Variants in TSNARE1 observed in about 807,000 individuals in gnomAD.
TSNARE1 encodes the protein t-SNARE domain containing 1, also known as t-SNARE domain-containing protein 1.
Under a neutral mutation model 62.0 loss-of-function variants are expected in TSNARE1, and 49 were observed. The ratio of observed to expected loss-of-function variants is 0.79; its 90% confidence interval spans 0.63 to 1.00. The LOEUF (loss-of-function observed/expected upper bound fraction) is 1.00. Among genes scored for constraint, TSNARE1 ranks in the 50% least tolerant of loss-of-function variants. The pLI, the probability that TSNARE1 is intolerant of heterozygous loss-of-function variation, is 0.00. For missense variants in TSNARE1, 755 were observed against 700.1 expected (o/e 1.08, Z -0.88); for synonymous variants, 328 against 294.4 (o/e 1.11, Z -1.17).
chr8:142,313,005 T>C (rs1050275580), intron 9 of TSNARE1, among the ~76,000 whole-genome samples: 4 of 152,258 alleles, frequency 2.6e-5, no homozygotes, highest in Non-Finnish European at 4.4e-5. Context: ...TCTGCATCTA[T>C]CTGTGTGTCT....
At chr8:142,273,467 G>A in intron 12 of TSNARE1, 1 of 985,414 alleles carries the variant, frequency 1.0e-6, no homozygotes, top group Non-Finnish European at 1.2e-6. Context: ...CAAGGGCTGA[G>A]GCCAAACAGC....
At chr8:142,219,461 C>T (rs1257400197) in intron 13 of TSNARE1, among the ~76,000 whole-genome samples, 1 of 152,176 alleles carries the variant, frequency 6.6e-6, no homozygotes, top group African/African-American at 2.4e-5. Context: ...TCGCCCTTTA[C>T]AGATTCTGGT....
chr8:142,305,650 G>C lies in TSNARE1; in HGVS notation c.1132-5006C>G, dbSNP rs955666110. Among the ~76,000 whole-genome samples the C allele has an allele frequency of 3.9e-5, 6 of 152,332 alleles. 1 individual carries two copies. The East Asian group carries it at 1.2e-3, about 29-fold the overall frequency. On this transcript the variant is annotated intron_variant, in intron 9 of 13. Coordinates refer to ENST00000524325, the MANE Select transcript of TSNARE1 (RefSeq NM_145003.5). ...GTCCCTCCGCGGCCTCCTCCTGAAA[G>C]GCTCACAAAGCGCTCCTTTATTCTC... is the stretch of plus-strand genomic sequence containing the variant.
chr8:142,376,363 A>C (rs1332625834), intron 1 of TSNARE1, among the ~76,000 whole-genome samples: 1 of 152,148 alleles, frequency 6.6e-6, no homozygotes, highest in Non-Finnish European at 1.5e-5. Flanking sequence ...CCCACTTTGA[A>C]ATCCTGCCTC....
At chr8:142,329,417 G>A (rs748368642) in intron 6 of TSNARE1, among the ~76,000 whole-genome samples, 11 of 152,214 alleles carry the variant, frequency 7.2e-5, no homozygotes, top group Non-Finnish European at 1.0e-4. Context: ...CCCAGGATGC[G>A]CACATGAGGG....
chr8:142,300,062 T>C (rs572959405), intron 10 of TSNARE1: 49 of 156,324 alleles, frequency 3.1e-4, no homozygotes, highest in Admixed American at 1.9e-3. Context: ...AAATTGCAGG[T>C]TCGGTTCTGA....
At chr8:142,382,062 G>A (rs1348055516) in intron 1 of TSNARE1, among the ~76,000 whole-genome samples, 3 of 152,114 alleles carry the variant, frequency 2.0e-5, no homozygotes, top group African/African-American at 2.4e-5. Context: ...CCAGGCCCAC[G>A]CGCCCCTGCC....
At chr8:142,263,843 G>A (rs1021499037) in intron 12 of TSNARE1, among the ~76,000 whole-genome samples, 3 of 152,148 alleles carry the variant, frequency 2.0e-5, no homozygotes, top group Non-Finnish European at 4.4e-5. Flanking sequence ...GTTGCTAGTA[G>A]TTCAACTATT....
intron 9 of TSNARE1, among the ~76,000 whole-genome samples, chr8:142,305,758 G>C (rs1419124709): frequency 6.6e-6 from 1 of 152,228 alleles, no homozygotes; most frequent in Non-Finnish European, 1.5e-5. Flanking sequence ...AGCGCAGAGG[G>C]GACGGCCCTG....
At chr8:142,329,198 T>C (rs1039246394) in intron 6 of TSNARE1, among the ~76,000 whole-genome samples, 1 of 152,236 alleles carries the variant, frequency 6.6e-6, no homozygotes. Flanking sequence ...CCAAGCAGGC[T>C]AGACCCACAG....
At chr8:142,255,029 C>A (rs1364967123) in intron 12 of TSNARE1, among the ~76,000 whole-genome samples, 2 of 151,994 alleles carry the variant, frequency 1.3e-5, no homozygotes, top group African/African-American at 4.8e-5. Context: ...GATCTTGAGG[C>A]CAGGTGGGGA....
At chr8:142,312,899 G>T (rs1192891451) in intron 9 of TSNARE1, among the ~76,000 whole-genome samples, 1 of 152,246 alleles carries the variant, frequency 6.6e-6, no homozygotes, top group Non-Finnish European at 1.5e-5. Flanking sequence ...AGGCAGTGAT[G>T]ATGAGCCTGA....
intron 3 of TSNARE1, 35 bp downstream of exon 3, chr8:142,345,708 C>A: frequency 2.0e-6 from 3 of 1,534,246 alleles, no homozygotes; most frequent in East Asian, 4.9e-5. Flanking sequence ...GCCGCCTTCC[C>A]AGGACCCCTG....
intron 6 of TSNARE1, among the ~76,000 whole-genome samples, chr8:142,323,519 C>T (rs886226853): frequency 1.3e-5 from 2 of 152,172 alleles, no homozygotes; most frequent in Admixed American, 1.3e-4. Context: ...GGGGAGGCCT[C>T]GTGAGGGGCA....
chr8:142,219,553 T>C (rs1586751166), intron 13 of TSNARE1, among the ~76,000 whole-genome samples: 1 of 152,198 alleles, frequency 6.6e-6, no homozygotes, highest in Non-Finnish European at 1.5e-5. Context: ...CCCAGGGCCA[T>C]GGGCCACAGG....
intron 6 of TSNARE1, among the ~76,000 whole-genome samples, chr8:142,327,119 A>G (rs1277339878): frequency 2.6e-5 from 4 of 152,220 alleles, no homozygotes; most frequent in Non-Finnish European, 5.9e-5. Context: ...CTGGGGATAT[A>G]TCCAAGACAG....
chr8:142,254,685 T>C (rs947398785), intron 12 of TSNARE1, among the ~76,000 whole-genome samples: 2 of 152,188 alleles, frequency 1.3e-5, no homozygotes, highest in Admixed American at 6.5e-5. Flanking sequence ...CAGAGAGGCC[T>C]GGACTCGAAC....
chr8:142,263,456 G>A (rs904076922), intron 12 of TSNARE1, among the ~76,000 whole-genome samples: 4 of 152,174 alleles, frequency 2.6e-5, no homozygotes, highest in African/African-American at 4.8e-5. Flanking sequence ...GGATCACCAC[G>A]GTTTAGTTCA....
intron 10 of TSNARE1, among the ~76,000 whole-genome samples, chr8:142,295,967 C>G (rs1195625117): frequency 7.2e-6 from 1 of 138,554 alleles, no homozygotes; most frequent in Non-Finnish European, 1.5e-5. Context: ...GGCTGGCTAT[C>G]ATCAGGGATG....
Sources: allele counts gnomAD v4.1 joint callset (sites outside exome capture counted in the v4.1 genomes callset), GRCh38; gene constraint gnomAD v4.1.1; transcripts MANE v1.5; gene names NCBI Gene and HGNC (gene_info 2026-07-23, HGNC 2026-07-21).